Variants in RNF144B observed in about 807,000 individuals in gnomAD.
RNF144B encodes the protein ring finger protein 144B.
In RNF144B, 25 loss-of-function variants were observed where a neutral mutation model predicts 40.2. That is an observed-to-expected ratio of 0.62 (90% CI 0.45 to 0.87). The LOEUF (loss-of-function observed/expected upper bound fraction) is 0.87, where lower values mean the gene tolerates loss of function less well. Ranked by LOEUF, RNF144B falls within the 40% of genes least tolerant of loss-of-function variation. The pLI is 0.00. For missense variants in RNF144B, 365 were observed against 373.7 expected (o/e 0.98, Z 0.19); for synonymous variants, 145 against 136.3 (o/e 1.06, Z -0.44).
At chr6:18,445,576 G>A (rs1759063599) in intron 4 of RNF144B, among the ~76,000 whole-genome samples, 1 of 152,166 alleles carries the variant, frequency 6.6e-6, no homozygotes, top group African/African-American at 2.4e-5. Flanking sequence ...TGCAGTTTAA[G>A]TCTTTGAATT....
chr6:18,420,616 T>A (rs1356938259), intron 2 of RNF144B, among the ~76,000 whole-genome samples: 1 of 152,140 alleles, frequency 6.6e-6, no homozygotes, highest in East Asian at 1.9e-4. Context: ...AAAAGCCAAG[T>A]CTTCTGGAGA....
At position 18,405,142 on chromosome 6, in the gene RNF144B, T is replaced by C. The variant is rs1794873074; in HGVS notation, c.165+5443T>C. On this transcript the variant is annotated intron_variant, in intron 2 of 7. Transcript: ENST00000259939. The surrounding 1 kb of genome is among the most constrained non-coding windows in gnomAD (Gnocchi z 4.5). ...TAAATATGCTTGCTTGCAAGGTTAGTTTTTTTCTTTATTATTATTATTATT... is the reference window on the plus strand; with the variant it reads ...TAAATATGCTTGCTTGCAAGGTTAGCTTTTTTCTTTATTATTATTATTATT... Among the ~76,000 whole-genome samples the C allele has an allele frequency of 7.3e-6, 1 of 137,926 alleles. No individual in the cohort carries two copies. The highest frequency in any genetic ancestry group is 1.6e-5 in the Non-Finnish European group (1 of 64,454). The allele number at this position is 137,926 out of a possible 152,430, so 90.5% of individuals were successfully genotyped here. A position where few individuals can be genotyped will look rare whatever the true frequency, so the allele number is the denominator to read the frequency against.
Position 18,458,270 on chromosome 6 carries a change from C to G in RNF144B, c.536+911C>G, listed in dbSNP as rs1244764425. ...AGGGTTTTTATGGCAACAGCAGTGC[C>G]CAGAGTGAGAGACCTCTGTGTTTCA... is the stretch of plus-strand genomic sequence containing the variant. On this transcript the variant is annotated intron_variant, in intron 5 of 7. Coordinates refer to ENST00000259939, the MANE Select transcript of RNF144B (RefSeq NM_182757.4). This position sits in a 1 kb window ranked among gnomAD's most constrained non-coding sequence, Gnocchi z 4.8. Among the ~76,000 whole-genome samples, 1 of 152,092 alleles carries G rather than the reference C, an allele frequency of 6.6e-6. No homozygotes were observed. The highest frequency in any genetic ancestry group is 1.9e-4 in the East Asian group (1 of 5,186).
In RNF144B at chr6:18,413,663, T is replaced by A. The variant is rs115970353; in HGVS notation, c.166-13918T>A. Among the ~76,000 whole-genome samples the A allele has an allele frequency of 5.3e-3, 801 of 152,282 alleles. 12 individuals carry two copies. Among genetic ancestry groups the A allele is most frequent in the African/African-American group, 0.018 (740 of 41,580 alleles). On this transcript the variant is annotated intron_variant, in intron 2 of 7. Coordinates refer to ENST00000259939, the MANE Select transcript of RNF144B (RefSeq NM_182757.4). ...CTCAATGACTGATGTTCTCCCACCC[T>A]CCAGGCGCATTGTGTCTGTGGAAGT... is the stretch of plus-strand genomic sequence containing the variant.
chr6:18,421,271 T>TACACACAC (rs200527921), intron 2 of RNF144B, among the ~76,000 whole-genome samples: 1,410 of 130,926 alleles, frequency 0.011, 28 homozygotes, highest in African/African-American at 0.036. Flanking sequence ...AATTATATAT[T>TACACACAC]ATACACACAC....
intron 3 of RNF144B, among the ~76,000 whole-genome samples, chr6:18,431,685 C>T (rs1396859822): frequency 6.6e-6 from 1 of 152,168 alleles, no homozygotes; most frequent in Non-Finnish European, 1.5e-5. Context: ...CTTTGTCTTG[C>T]TGCTATTTAT....
chr6:18,412,063 A>AT lies in RNF144B; in HGVS notation c.165+12372dup, dbSNP rs777947151. Among the ~76,000 whole-genome samples the AT allele has an allele frequency of 3.3e-5, 5 of 151,972 alleles. No homozygotes were observed. The highest frequency in any genetic ancestry group is 1.3e-4 in the Admixed American group (2 of 15,246). On this transcript the variant is annotated intron_variant, in intron 2 of 7. Coordinates refer to ENST00000259939, the MANE Select transcript of RNF144B (RefSeq NM_182757.4). This position sits in a 1 kb window ranked among gnomAD's most constrained non-coding sequence, Gnocchi z 4.2. ...TTCTAGTTTTTGCTATTATGAATAC[A>AT]TTTTTTTTACTTATATAAATGTGAA...
intron 1 of RNF144B, among the ~76,000 whole-genome samples, chr6:18,390,709 T>G (rs567060407): frequency 1.3e-5 from 2 of 152,258 alleles, no homozygotes; most frequent in Non-Finnish European, 2.9e-5. Context: ...ACAACTCGTT[T>G]CTGTCTGTTG....
chr6:18,457,873 G>A lies in RNF144B; in HGVS notation c.536+514G>A, dbSNP rs886938809. 1.3e-5 allele frequency among the ~76,000 whole-genome samples: 2 copies of A among 152,134 alleles called. No individual in the cohort carries two copies. The highest frequency in any genetic ancestry group is 1.3e-4 in the Admixed American group (2 of 15,274). ...CTCATGATATTTTATGCTCTGTAAA[G>A]GTTGAGATTTTATCGTGATAGGAAG... On this transcript the variant is annotated intron_variant, in intron 5 of 7. Coordinates refer to ENST00000259939, the MANE Select transcript of RNF144B (RefSeq NM_182757.4). The surrounding 1 kb of genome is among the most constrained non-coding windows in gnomAD (Gnocchi z 5.1).
chr6:18,388,181 A>G (rs1794505211), intron 1 of RNF144B, among the ~76,000 whole-genome samples: 1 of 152,172 alleles, frequency 6.6e-6, no homozygotes, highest in Admixed American at 6.5e-5. Flanking sequence ...ATTCACATAA[A>G]GATTTCCCAG....
intron 1 of RNF144B, among the ~76,000 whole-genome samples, chr6:18,388,273 T>C (rs985035507): frequency 2.0e-5 from 3 of 152,196 alleles, no homozygotes; most frequent in Non-Finnish European, 2.9e-5. Context: ...TTCTGCCACA[T>C]GTATCTTATC....
At position 18,468,820 on chromosome 6, in the gene RNF144B, G is replaced by A. The variant is rs945633898; in HGVS notation, c.*3753G>A. 5.3e-5 allele frequency: 8 copies of A among 152,128 alleles called. No homozygotes were observed. The highest frequency in any genetic ancestry group is 1.4e-4 in the African/African-American group (6 of 41,418). The allele number at this position is 152,128 out of a possible 1,614,324, so 9.4% of individuals were successfully genotyped here. ...GTGTTATATTTTTCCAATTTTTGGA[G>A]AAGAAAATAGCTGTTTAGGCTCTCT... On this transcript the variant is annotated 3_prime_UTR_variant, in exon 8 of 8. Transcript: ENST00000259939.
At chr6:18,426,824 T>G (rs114777506) in intron 2 of RNF144B, among the ~76,000 whole-genome samples, 13 of 149,998 alleles carry the variant, frequency 8.7e-5, no homozygotes, top group African/African-American at 2.8e-4. Context: ...TCTATTCAAT[T>G]TCTTCTCTGG....
Position 18,460,664 on chromosome 6 carries a change from C to T in RNF144B, c.681+913C>T, listed in dbSNP as rs758430217. On this transcript the variant is annotated intron_variant, in intron 6 of 7. Transcript: ENST00000259939. This position sits in a 1 kb window ranked among gnomAD's most constrained non-coding sequence, Gnocchi z 4.4. ...CTTGTTCATGAGCATGCAGCAGTAT[C>T]GCTACTGTTTTGACAGTGTTCCCTT... 1.3e-5 allele frequency among the ~76,000 whole-genome samples: 2 copies of T among 152,174 alleles called. No individual in the cohort carries two copies. The highest frequency in any genetic ancestry group is 2.4e-5 in the African/African-American group (1 of 41,426).
chr6:18,453,102 T>G (rs1331727530), intron 4 of RNF144B, among the ~76,000 whole-genome samples: 3 of 151,472 alleles, frequency 2.0e-5, no homozygotes, highest in Non-Finnish European at 4.4e-5. Context: ...ATACATGTTT[T>G]TATAAAAATG....
rs867651002 is a variant in RNF144B at position 18,448,062 on chromosome 6, G to T, written c.331+8318G>T. 6.6e-6 allele frequency among the ~76,000 whole-genome samples: 1 copy of T among 152,170 alleles called. No individual in the cohort carries two copies. The highest frequency in any genetic ancestry group is 1.5e-5 in the Non-Finnish European group (1 of 68,026). ...TGGGTTTTAGTGGAATGACAGAGAA[G>T]TGCCAGCTTGGAGAGGGTTCAGGGT... is the stretch of plus-strand genomic sequence containing the variant. On this transcript the variant is annotated intron_variant, in intron 4 of 7. Transcript: ENST00000259939. This position sits in a 1 kb window ranked among gnomAD's most constrained non-coding sequence, Gnocchi z 4.0.
intron 1 of RNF144B, among the ~76,000 whole-genome samples, chr6:18,392,862 C>A (rs1794613157): frequency 6.6e-6 from 1 of 151,950 alleles, no homozygotes; most frequent in African/African-American, 2.4e-5. Flanking sequence ...TGTATGTACT[C>A]ATTGAGTTTG....
chr6:18,468,056 T>C lies in RNF144B; in HGVS notation c.*2989T>C, dbSNP rs1759610080. On this transcript the variant is annotated 3_prime_UTR_variant, in exon 8 of 8. Coordinates refer to ENST00000259939, the MANE Select transcript of RNF144B (RefSeq NM_182757.4). ...TTCTTGGTCTGCCAGCTTTGTCCTT[T>C]CTGAGTGATTCTCTTTCTGTATTGA... 1 of 152,256 alleles carries C rather than the reference T, an allele frequency of 6.6e-6. No homozygotes were observed. The highest frequency in any genetic ancestry group is 1.5e-5 in the Non-Finnish European group (1 of 68,060). 9.4% of individuals were successfully genotyped at this position (152,256 alleles called of 1,614,324 possible).
intron 4 of RNF144B, among the ~76,000 whole-genome samples, chr6:18,440,402 T>A (rs1758932481): frequency 6.6e-6 from 1 of 152,198 alleles, no homozygotes; most frequent in South Asian, 2.1e-4. Flanking sequence ...TTTCTTAGTA[T>A]CTCAGAAGTA....
Sources: gnomAD v4.1 joint callset for allele counts (sites outside exome capture counted in the v4.1 genomes callset) on GRCh38, gnomAD v4.1.1 for gene constraint, Gnocchi (gnomAD v3.1) non-coding constraint, MANE v1.5 for transcripts, NCBI Gene and HGNC (gene_info 2026-07-23, HGNC 2026-07-21) for gene names.